The following ZNF33A variants were observed in gnomAD, a reference collection of about 807,000 sequenced individuals.
ZNF33A encodes the protein zinc finger protein 33A.
ZNF33A carries 9 observed loss-of-function variants against 15.9 expected under a neutral mutation model. The ratio of observed to expected loss-of-function variants is 0.57; its 90% CI spans 0.34 to 0.99. The LOEUF is 0.99. Ranked by LOEUF, ZNF33A falls within the 50% of genes least tolerant of loss-of-function variation. ZNF33A has a pLI of 0.02. For missense variants in ZNF33A, 843 were observed against 941.6 expected (o/e 0.90, Z 1.37); for synonymous variants, 294 against 324.2 (o/e 0.91, Z 1.00).
intron 2 of ZNF33A, among the ~76,000 whole-genome samples, chr10:38,013,556 T>C (rs939086018): frequency 6.6e-6 from 1 of 151,674 alleles, no homozygotes; most frequent in African/African-American, 2.4e-5. Flanking sequence ...ACTCCTTGGT[T>C]AAAGTGATTC....
chr10:38,063,031 AAG>A (rs1357456913), downstream of ZNF33A, among the ~76,000 whole-genome samples: 11 of 147,894 alleles, frequency 7.4e-5, no homozygotes, highest in Admixed American at 1.4e-4. Context: ...AAAAAAAAAA[AAG>A]AGGAAAAGTA....
Position 38,021,245 on chromosome 10 carries a change from A to G in ZNF33A, c.250+3859A>G, listed in dbSNP as rs1012484998. On this transcript the variant is annotated intron_variant, in intron 4 of 4. Transcript: ENST00000432900. Reference sequence around the variant, plus strand: ...CAAAGAAAATTATTAGACAAAAGGAACATTATATAATGATAAAAGGATCAA... The same window carrying G: ...CAAAGAAAATTATTAGACAAAAGGAGCATTATATAATGATAAAAGGATCAA... 3.9e-5 allele frequency among the ~76,000 whole-genome samples: 6 copies of G among 152,222 alleles called. 1 individual carries two copies. Among genetic ancestry groups the G allele is most frequent in the Admixed American group, 3.9e-4 (6 of 15,286 alleles).
chr10:38,042,405 C>A (rs2065745418), intron 4 of ZNF33A, among the ~76,000 whole-genome samples: 1 of 151,972 alleles, frequency 6.6e-6, no homozygotes, highest in Admixed American at 6.6e-5. Context: ...TGGTCTTGAA[C>A]TCCTGACCAC....
chr10:38,045,384 C>G (rs1360222047), intron 4 of ZNF33A, among the ~76,000 whole-genome samples: 1 of 152,136 alleles, frequency 6.6e-6, no homozygotes, highest in Non-Finnish European at 1.5e-5. Flanking sequence ...TGCTGTTATA[C>G]TTTGCTGATA....
At chr10:38,048,582 A>G (rs1460205496) in intron 4 of ZNF33A, among the ~76,000 whole-genome samples, 1 of 152,214 alleles carries the variant, frequency 6.6e-6, no homozygotes, top group Non-Finnish European at 1.5e-5. Flanking sequence ...ATAAACAAAA[A>G]GAATGGGAAA....
At chr10:38,027,702 G>C (rs2065045422) in intron 4 of ZNF33A, among the ~76,000 whole-genome samples, 1 of 152,108 alleles carries the variant, frequency 6.6e-6, no homozygotes, top group Admixed American at 6.5e-5. Flanking sequence ...CATTCTGTCA[G>C]TGTTTGCTTT....
chr10:38,025,749 T>C (rs1361652083), intron 4 of ZNF33A, among the ~76,000 whole-genome samples: 11 of 152,256 alleles, frequency 7.2e-5, no homozygotes, highest in Non-Finnish European at 1.5e-4. Flanking sequence ...ATTCAGCAAA[T>C]GATGCTGGAG....
intron 4 of ZNF33A, among the ~76,000 whole-genome samples, chr10:38,040,313 T>C (rs1401867546): frequency 6.6e-6 from 1 of 152,190 alleles, no homozygotes; most frequent in Non-Finnish European, 1.5e-5. Context: ...TTAGATCTGG[T>C]TGCTTTAGAG....
At chr10:38,015,292 T>G (rs1326332897) in intron 2 of ZNF33A, among the ~76,000 whole-genome samples, 7 of 152,060 alleles carry the variant, frequency 4.6e-5, no homozygotes, top group African/African-American at 1.7e-4. Flanking sequence ...GTTTCATTCT[T>G]GATCTTCATA....
At chr10:38,025,508 G>A (rs2064942808) in intron 4 of ZNF33A, among the ~76,000 whole-genome samples, 1 of 152,230 alleles carries the variant, frequency 6.6e-6, no homozygotes, top group Non-Finnish European at 1.5e-5. Context: ...CTCACCATGT[G>A]CATAGAGGAA....
intron 4 of ZNF33A, among the ~76,000 whole-genome samples, chr10:38,022,110 A>G (rs2064771904): frequency 6.6e-6 from 1 of 152,210 alleles, no homozygotes; most frequent in South Asian, 2.1e-4. Flanking sequence ...AACCTCTGTT[A>G]AGTAGAAGGA....
intron 4 of ZNF33A, among the ~76,000 whole-genome samples, chr10:38,031,641 A>G (rs1468907511): frequency 6.6e-6 from 1 of 152,034 alleles, no homozygotes; most frequent in African/African-American, 2.4e-5. Context: ...TTACCTGCCA[A>G]CTATAAATAA....
At chr10:38,021,264 G>C (rs1281768761) in intron 4 of ZNF33A, among the ~76,000 whole-genome samples, 1 of 152,034 alleles carries the variant, frequency 6.6e-6, no homozygotes, top group Non-Finnish European at 1.5e-5. Context: ...AATGATAAAA[G>C]GATCAATCCA....
intron 2 of ZNF33A, chr10:38,015,931 G>A: frequency 8.7e-7 from 1 of 1,149,214 alleles, no homozygotes; most frequent in Non-Finnish European, 1.1e-6. Flanking sequence ...TTCAGTATAT[G>A]CTCATATCTC....
chr10:38,017,162 A>T, intron 3 of ZNF33A, 129 bp from the exon 4 acceptor site: 2 of 1,359,802 alleles, frequency 1.5e-6, no homozygotes, highest in Non-Finnish European at 2.0e-6. Context: ...ACCAGAAGAT[A>T]CTTGTGTTCA....
downstream of ZNF33A, among the ~76,000 whole-genome samples, chr10:38,067,595 TGTTGA>T (rs1191688938): frequency 6.6e-6 from 1 of 152,122 alleles, no homozygotes; most frequent in Non-Finnish European, 1.5e-5. Flanking sequence ...GGGTTCAAGG[TGTTGA>T]GTCCCAGTGG....
At chr10:38,011,502 G>T (rs1483333541) in intron 1 of ZNF33A, among the ~76,000 whole-genome samples, 1 of 152,118 alleles carries the variant, frequency 6.6e-6, no homozygotes, top group Non-Finnish European at 1.5e-5. Context: ...TTGAACCCGG[G>T]AGGCGGAGGT....
At chr10:38,010,981 T>C (rs1045929496) in intron 1 of ZNF33A, among the ~76,000 whole-genome samples, 198 bp downstream of exon 1, 2 of 152,050 alleles carry the variant, frequency 1.3e-5, no homozygotes, top group African/African-American at 2.4e-5. Flanking sequence ...CGGAGCAGGG[T>C]ACGCAGCGTG....
chr10:38,044,117 C>G (rs1045644552), intron 4 of ZNF33A: 2 of 151,590 alleles, frequency 1.3e-5, no homozygotes, highest in Admixed American at 6.6e-5. Context: ...ACTCTTATTT[C>G]TCTCTGTTCT....
Sources: gnomAD v4.1 joint callset for allele counts (sites outside exome capture counted in the v4.1 genomes callset) on GRCh38, gnomAD v4.1.1 for gene constraint, MANE v1.5 for transcripts, NCBI Gene and HGNC (gene_info 2026-07-23, HGNC 2026-07-21) for gene names.